The following DISC1 variants were observed in gnomAD, a reference collection of about 807,000 sequenced individuals.
The protein encoded by DISC1 is disrupted in schizophrenia 1 protein.
A neutral mutation model predicts 84.5 loss-of-function variants in DISC1; 57 were observed. The observed-to-expected ratio is 0.67, with a 90% CI of 0.55 to 0.84. DISC1 has a LOEUF of 0.84. Among genes scored for constraint, DISC1 ranks in the 40% least tolerant of loss-of-function variants. The probability of loss-of-function intolerance (pLI) is 0.00; values close to 1 mark genes in which losing one functional copy is unlikely to be tolerated. For synonymous variants in DISC1, 411 were observed against 415.2 expected, an observed-to-expected ratio of 0.99 and a Z score of 0.12; for missense variants, 1,000 against 1,057.8, an observed-to-expected ratio of 0.95 and a Z score of 0.76.
intron 9 of DISC1, among the ~76,000 whole-genome samples, chr1:231,821,391 A>G (rs1235486429): frequency 2.0e-5 from 3 of 152,202 alleles, no homozygotes; most frequent in Non-Finnish European, 4.4e-5. Flanking sequence ...AAATATGCCA[A>G]GGTACTCAAG....
At chr1:231,880,726 T>C (rs963085596) in intron 9 of DISC1, among the ~76,000 whole-genome samples, 1 of 145,196 alleles carries the variant, frequency 6.9e-6, no homozygotes, top group Non-Finnish European at 1.5e-5. Flanking sequence ...GGTTGGAGTT[T>C]TTAAGGGGAT....
intron 3 of DISC1, chr1:231,745,647 C>A (rs113468161): frequency 6.5e-6 from 1 of 153,784 alleles, no homozygotes; most frequent in South Asian, 2.0e-4. Flanking sequence ...CTTATTCCTC[C>A]TATCTAGCTG....
intron 9 of DISC1, among the ~76,000 whole-genome samples, chr1:231,830,413 G>T (rs1057135821): frequency 6.6e-6 from 1 of 152,172 alleles, no homozygotes; most frequent in African/African-American, 2.4e-5. Context: ...TAAGAATTGG[G>T]AGGACCTAGG....
chr1:231,632,373 A>G (rs1161344086), intron 1 of DISC1, among the ~76,000 whole-genome samples: 1 of 152,218 alleles, frequency 6.6e-6, no homozygotes, highest in Admixed American at 6.5e-5. Flanking sequence ...AAATGTGGAT[A>G]AAATTCTACC....
intron 1 of DISC1, among the ~76,000 whole-genome samples, chr1:231,691,059 G>A (rs531160720): frequency 6.6e-5 from 10 of 152,158 alleles, no homozygotes; most frequent in Non-Finnish European, 1.5e-4. Flanking sequence ...TTCACAGTGG[G>A]TAACCTCACT....
At chr1:231,948,134 T>C (rs1657590542) in intron 9 of DISC1, among the ~76,000 whole-genome samples, 1 of 152,228 alleles carries the variant, frequency 6.6e-6, no homozygotes, top group South Asian at 2.1e-4. Flanking sequence ...ATAATCATTC[T>C]ATGATAAAGA....
rs370356380 is a variant in DISC1, at chr1:231,708,067, A to G, written c.1117+6043A>G. Among the ~76,000 whole-genome samples, 28 of 152,326 alleles carry G rather than the reference A, an allele frequency of 1.8e-4. 1 individual carries two copies. The East Asian group carries it at 5.2e-3, about 28-fold the overall frequency. The stretch of plus-strand genomic sequence containing the variant: ...TTAGGTATGGTTTAAGAAGATGCAT[A>G]TAGGTGCCCAGCTGACAAGGGGTGG... On this transcript the variant is annotated intron_variant, in intron 3 of 12. Transcript: ENST00000439617.
At chr1:231,751,181 G>A (rs2074567341) in intron 4 of DISC1, among the ~76,000 whole-genome samples, 1 of 152,114 alleles carries the variant, frequency 6.6e-6, no homozygotes, top group Non-Finnish European at 1.5e-5. Context: ...AACATTGCGT[G>A]TTCCTCTTTC....
intron 9 of DISC1, among the ~76,000 whole-genome samples, chr1:231,820,923 A>G (rs1281619258): frequency 6.6e-6 from 1 of 152,228 alleles, no homozygotes; most frequent in Non-Finnish European, 1.5e-5. Context: ...CTTAGGGAAC[A>G]ATTAGCAGTG....
chr1:232,012,767 A>G (rs912821446), intron 11 of DISC1, among the ~76,000 whole-genome samples: 1 of 152,146 alleles, frequency 6.6e-6, no homozygotes, highest in Non-Finnish European at 1.5e-5. Flanking sequence ...GTTGATCGAC[A>G]CCTTCCTGGG....
intron 9 of DISC1, among the ~76,000 whole-genome samples, chr1:231,868,692 T>TATATATA (rs2085226389): frequency 1.8e-5 from 2 of 108,854 alleles, no homozygotes; most frequent in African/African-American, 6.3e-5. Flanking sequence ...ACCCCATCTC[T>TATATATA]TATATATATA....
At chr1:231,968,625 A>G (rs1219996907) in intron 10 of DISC1, among the ~76,000 whole-genome samples, 3 of 151,748 alleles carry the variant, frequency 2.0e-5, no homozygotes, top group Non-Finnish European at 4.4e-5. Flanking sequence ...AACAAAAACA[A>G]AAAGCCCTCT....
chr1:231,802,457 A>G (rs2079350563), intron 8 of DISC1, among the ~76,000 whole-genome samples: 2 of 152,110 alleles, frequency 1.3e-5, no homozygotes, highest in Non-Finnish European at 2.9e-5. Context: ...TGAGTCAATT[A>G]AATCTATTTT....
intron 6 of DISC1, among the ~76,000 whole-genome samples, chr1:231,782,315 A>G (rs1038053299): frequency 2.6e-5 from 4 of 152,260 alleles, no homozygotes; most frequent in South Asian, 2.1e-4. Context: ...CCAATAAAGT[A>G]TGTCCATCTT....
At chr1:231,736,227 G>T (rs2072468789) in intron 3 of DISC1, among the ~76,000 whole-genome samples, 1 of 152,132 alleles carries the variant, frequency 6.6e-6, no homozygotes. Context: ...GGATCCCCCA[G>T]TATCCAGGGA....
chr1:231,790,673 C>T (rs1283453109), intron 6 of DISC1, among the ~76,000 whole-genome samples: 3 of 152,066 alleles, frequency 2.0e-5, no homozygotes, highest in Non-Finnish European at 4.4e-5. Context: ...CGCCTGCCAC[C>T]ACGCTCGGCT....
intron 10 of DISC1, among the ~76,000 whole-genome samples, chr1:232,003,859 A>G (rs1417865): frequency 0.29 from 43,317 of 151,874 alleles, 6,438 homozygotes; most frequent in African/African-American, 0.33. Context: ...AGGAAAGATA[A>G]TGAAAAGGCT....
In DISC1 at chr1:232,001,526, G is replaced by C. The variant is rs75304838; in HGVS notation, c.2043-7259G>C. Among the ~76,000 whole-genome samples the C allele has an allele frequency of 3.9e-3, 601 of 152,252 alleles. 6 individuals carry two copies. Among genetic ancestry groups the C allele is most frequent in the African/African-American group, 0.014 (573 of 41,558 alleles). On this transcript the variant is annotated intron_variant, in intron 10 of 12. Transcript: ENST00000439617. ...GCAATTATTATGCAAAATATACAAA[G>C]AGATATAATCCAACATATTATAAAT...
intron 3 of DISC1, among the ~76,000 whole-genome samples, chr1:231,722,012 G>C (rs2069814476): frequency 1.3e-5 from 2 of 151,984 alleles, no homozygotes; most frequent in Admixed American, 1.3e-4. Flanking sequence ...AATTAGCCGG[G>C]TGTGGTGGCG....
Sources: allele counts gnomAD v4.1 joint callset (sites outside exome capture counted in the v4.1 genomes callset), GRCh38; gene constraint gnomAD v4.1.1; transcripts MANE v1.5; gene names NCBI Gene and HGNC (gene_info 2026-07-23, HGNC 2026-07-21).